TBCD: variants seen among roughly 807,000 people sequenced by gnomAD.
TBCD encodes tubulin-specific chaperone D.
A neutral mutation model predicts 169.3 loss-of-function variants in TBCD; 105 were observed. The ratio of observed to expected loss-of-function variants is 0.62; its 90% confidence interval spans 0.53 to 0.73. The LOEUF (loss-of-function observed/expected upper bound fraction) is 0.73. TBCD is among the 30% of genes least tolerant of loss of function. The pLI, the probability that TBCD is intolerant of heterozygous loss-of-function variation, is 0.00. For missense variants in TBCD, 1,444 were observed against 1,600.1 expected (o/e 0.90, Z 1.66); for synonymous variants, 700 against 643.9 (o/e 1.09, Z -1.32).
At chr17:82,768,784 A>G (rs146357023) in intron 5 of TBCD, among the ~76,000 whole-genome samples, 4 of 152,314 alleles carry the variant, frequency 2.6e-5, no homozygotes, top group African/African-American at 4.8e-5. Flanking sequence ...AGATGATGCA[A>G]ATACTCTGTT....
chr17:82,828,773 A>G (rs1445880841), intron 13 of TBCD, among the ~76,000 whole-genome samples: 3 of 151,188 alleles, frequency 2.0e-5, no homozygotes, highest in Admixed American at 1.3e-4. Context: ...ATCTAATCAG[A>G]TGTGCACCCC....
rs1358399787 is a variant in TBCD at position 82,832,546 on chromosome 17, C to T, written c.1318+17612C>T. Reference sequence around the variant, plus strand: ...TCGTGGTTTCTAAAGAGGCACCTCCCGCTTTGCTTTCTTTCCCGATCACTT... The same window carrying T: ...TCGTGGTTTCTAAAGAGGCACCTCCTGCTTTGCTTTCTTTCCCGATCACTT... On this transcript the variant is annotated intron_variant, in intron 13 of 38. Coordinates refer to ENST00000355528, the MANE Select transcript of TBCD (RefSeq NM_005993.5). The surrounding 1 kb of genome is among the most constrained non-coding windows in gnomAD (Gnocchi z 4.9). 52 of 1,168,044 alleles carry T rather than the reference C, an allele frequency of 4.5e-5. No homozygotes were observed. The highest frequency in any genetic ancestry group is 3.8e-4 in the South Asian group (30 of 79,636). The allele number at this position is 1,168,044 out of a possible 1,614,324, so 72.4% of individuals were successfully genotyped here. A position where few individuals can be genotyped will look rare whatever the true frequency, so the allele number is the denominator to read the frequency against.
intron 16 of TBCD, among the ~76,000 whole-genome samples, chr17:82,891,678 A>C (rs2059145997): frequency 1.3e-5 from 2 of 152,240 alleles, no homozygotes; most frequent in Non-Finnish European, 1.5e-5. Flanking sequence ...ATTTGGAATG[A>C]AGTTGTAAGA....
chr17:82,887,443 C>A, intron 15 of TBCD, among the ~76,000 whole-genome samples: 1 of 152,160 alleles, frequency 6.6e-6, no homozygotes, highest in African/African-American at 2.4e-5. Flanking sequence ...CTCGGCACAG[C>A]TCTCTGGAGA....
intron 13 of TBCD, among the ~76,000 whole-genome samples, chr17:82,856,799 G>A (rs1248342892): frequency 1.4e-5 from 2 of 139,300 alleles, no homozygotes; most frequent in African/African-American, 2.7e-5. Flanking sequence ...CCCTCGCTGC[G>A]CATCCAGGGC....
intron 17 of TBCD, 53 bp downstream of exon 17, chr17:82,893,685 T>C: frequency 7.5e-7 from 1 of 1,339,960 alleles, no homozygotes; most frequent in Admixed American, 2.4e-5. Context: ...TCAGATTGGA[T>C]GTCAGAAATC....
chr17:82,781,369 G>A (rs549399450), intron 6 of TBCD, among the ~76,000 whole-genome samples: 24 of 152,026 alleles, frequency 1.6e-4, no homozygotes, highest in Admixed American at 5.9e-4. Context: ...GTGGGGAACC[G>A]GCTGCTGAGG....
chr17:82,889,576 T>C lies in TBCD; in HGVS notation c.1534-92T>C. The C allele has an allele frequency of 6.8e-7, 1 of 1,475,008 alleles. No homozygotes were observed. The highest frequency in any genetic ancestry group is 1.2e-5 in the South Asian group (1 of 86,344). The allele number at this position is 1,475,008 out of a possible 1,614,324, so 91.4% of individuals were successfully genotyped here. On this transcript the variant is annotated intron_variant, in intron 15 of 38. Coordinates refer to ENST00000355528, the MANE Select transcript of TBCD (RefSeq NM_005993.5). The surrounding 1 kb of genome is among the most constrained non-coding windows in gnomAD (Gnocchi z 5.3). ...TTTATTTAAAAAATAAAGCCGTGGG[T>C]CATTCACGTTGTGCTGTTTGTTCTG...
At position 82,835,421 on chromosome 17, in the gene TBCD, C is replaced by A. The variant is rs987259533; in HGVS notation, c.1318+20487C>A. Among the ~76,000 whole-genome samples, 4 of 121,416 alleles carry A rather than the reference C, an allele frequency of 3.3e-5. No individual in the cohort carries two copies. The highest frequency in any genetic ancestry group is 8.0e-5 in the Non-Finnish European group (4 of 50,044). The allele number at this position is 121,416 out of a possible 152,430, so 79.7% of individuals were successfully genotyped here. On this transcript the variant is annotated intron_variant, in intron 13 of 38. Coordinates refer to ENST00000355528, the MANE Select transcript of TBCD (RefSeq NM_005993.5). This position sits in a 1 kb window ranked among gnomAD's most constrained non-coding sequence, Gnocchi z 4.5. Reference sequence around the variant, plus strand: ...TTTCTCTACTGATTTATTCATATTTCTTTCTTTCTTTCTTTTTTGAGACGG... The same window carrying A: ...TTTCTCTACTGATTTATTCATATTTATTTCTTTCTTTCTTTTTTGAGACGG...
rs533266535 is a variant in TBCD, at chr17:82,941,222, G to T, written c.3480-177G>T. ...ATTCCGGAAAGGGCTCAGGCTCGAG[G>T]CTCTGCTGGAGAACGTGCTCCTGTG... On this transcript the variant is annotated intron_variant, in intron 37 of 38. Coordinates refer to ENST00000355528, the MANE Select transcript of TBCD (RefSeq NM_005993.5). Among the ~76,000 whole-genome samples the T allele has an allele frequency of 7.9e-5, 12 of 152,378 alleles. No individual in the cohort carries two copies. In the East Asian group the frequency reaches 1.9e-3, roughly 24 times the overall value.
At chr17:82,809,239 A>G (rs2051246989) in intron 11 of TBCD, among the ~76,000 whole-genome samples, 2 of 152,048 alleles carry the variant, frequency 1.3e-5, no homozygotes, top group African/African-American at 2.4e-5. Context: ...CCACGGGGCC[A>G]TCTCCAGGGA....
chr17:82,905,956 A>G lies in TBCD; in HGVS notation c.1825A>G (p.Met609Val), dbSNP rs761990282. The G allele has an allele frequency of 5.6e-6, 9 of 1,612,720 alleles. No individual in the cohort carries two copies. The highest frequency in any genetic ancestry group is 2.2e-5 in the South Asian group (2 of 90,696). The change falls in exon 20 of 39, where the codon ATG becomes GTG. Residue 609 changes from methionine (M) to valine (V), a missense_variant. Coordinates refer to ENST00000355528, the MANE Select transcript of TBCD (RefSeq NM_005993.5). ...TGCAGTCTTCCCGAGGCTGCTGTCCATGACACTGAGTCCAGATCTTCACAT... is the reference window on the plus strand; with the variant it reads ...TGCAGTCTTCCCGAGGCTGCTGTCCGTGACACTGAGTCCAGATCTTCACAT... ...ATQVFPRLLS[M>V]TLSPDLHMRH...
At chr17:82,844,219 G>GTGTGTGTGTGTGTGTGTGTGTT (rs1178243261) in intron 13 of TBCD, among the ~76,000 whole-genome samples, 7 of 150,910 alleles carry the variant, frequency 4.6e-5, no homozygotes, top group Non-Finnish European at 7.4e-5. Context: ...GTGTGTGTGT[G>GTGTGTGTGTGTGTGTGTGTGTT]TGTGTGTGTG....
intron 6 of TBCD, among the ~76,000 whole-genome samples, chr17:82,778,492 T>C (rs1469575554): frequency 6.6e-6 from 1 of 152,194 alleles, no homozygotes; most frequent in Non-Finnish European, 1.5e-5. Context: ...AGGGTCTCAC[T>C]CTGTTGCCCA....
intron 7 of TBCD, among the ~76,000 whole-genome samples, chr17:82,787,840 C>T (rs967761304): frequency 6.6e-6 from 1 of 152,196 alleles, no homozygotes; most frequent in Non-Finnish European, 1.5e-5. Context: ...CCCTGGAAGG[C>T]CCCTGTACTT....
chr17:82,894,767 C>G (rs2059369403), intron 17 of TBCD, among the ~76,000 whole-genome samples: 1 of 152,182 alleles, frequency 6.6e-6, no homozygotes, highest in Admixed American at 6.5e-5. Context: ...GGGCAGATCA[C>G]CTGAGGTCAG....
Position 82,798,712 on chromosome 17 carries a change from A to G in TBCD, c.817+910A>G, listed in dbSNP as rs764769009. Among the ~76,000 whole-genome samples the G allele has an allele frequency of 1.9e-4, 29 of 152,110 alleles. 2 individuals are homozygous for G. Among genetic ancestry groups the G allele is most frequent in the South Asian group, 1.0e-3 (5 of 4,808 alleles). On this transcript the variant is annotated intron_variant, in intron 8 of 38. Coordinates refer to ENST00000355528, the MANE Select transcript of TBCD (RefSeq NM_005993.5). ...CCAGGAGCAGCCATGTTCCTCTGAT[A>G]GCCACAGCCACCACCTCTTTTGCCT...
chr17:82,891,154 A>G (rs555618137), intron 16 of TBCD, among the ~76,000 whole-genome samples: 1 of 152,340 alleles, frequency 6.6e-6, no homozygotes, highest in South Asian at 2.1e-4. Context: ...GCCCAGTCGC[A>G]TAGGGAGCCA....
rs968053728 is a variant in TBCD, at chr17:82,890,807, G to C, written c.1563+1110G>C. 1.3e-5 allele frequency among the ~76,000 whole-genome samples: 2 copies of C among 152,242 alleles called. No individual in the cohort carries two copies. Among genetic ancestry groups the C allele is most frequent in the Non-Finnish European group, 2.9e-5 (2 of 68,050 alleles). On this transcript the variant is annotated intron_variant, in intron 16 of 38. Coordinates refer to ENST00000355528, the MANE Select transcript of TBCD (RefSeq NM_005993.5). The surrounding 1 kb of genome is among the most constrained non-coding windows in gnomAD (Gnocchi z 5.3). Reference sequence around the variant, plus strand: ...CTAGGAAGAGACACCAGCCTTGCAAGGGGAGCCTGGGTGTGCAGACAGCAA... The same window carrying C: ...CTAGGAAGAGACACCAGCCTTGCAACGGGAGCCTGGGTGTGCAGACAGCAA...
Sources: allele counts gnomAD v4.1 joint callset (sites outside exome capture counted in the v4.1 genomes callset), GRCh38; gene constraint gnomAD v4.1.1; non-coding constraint Gnocchi (gnomAD v3.1); transcripts MANE v1.5; gene names NCBI Gene and HGNC (gene_info 2026-07-23, HGNC 2026-07-21).